Variants in PMEL observed in about 807,000 individuals in gnomAD.
The protein encoded by PMEL is premelanosome protein, also known as melanocyte protein PMEL.
PMEL carries 53 observed loss-of-function variants against 64.9 expected under a neutral mutation model. The observed-to-expected ratio is 0.82, with a 90% CI of 0.66 to 1.03. PMEL has a LOEUF of 1.03. PMEL is among the 50% of genes least tolerant of loss of function. PMEL has a pLI of 0.00. For missense variants in PMEL, 716 were observed against 814.9 expected (o/e 0.88, Z 1.48); for synonymous variants, 299 against 316.2 (o/e 0.95, Z 0.58).
intron 3 of PMEL, chr12:55,961,055 A>G (rs1449632370): frequency 2.8e-6 from 1 of 351,702 alleles, no homozygotes; most frequent in Non-Finnish European, 5.4e-6. Flanking sequence ...TACAAAAAAA[A>G]TTAGCCGGTC....
intron 3 of PMEL, 22 bp downstream of exon 3, chr12:55,961,295 C>G: frequency 6.2e-7 from 1 of 1,612,146 alleles, no homozygotes. Flanking sequence ...GGAATAAGGA[C>G]CTAGAATAGA....
chr12:55,957,185 C>A lies in PMEL; in HGVS notation c.1118G>T (p.Gly373Val). The A allele has an allele frequency of 6.2e-7, 1 of 1,614,246 alleles. No homozygotes were observed. Among genetic ancestry groups the A allele is most frequent in the South Asian group, 1.1e-5 (1 of 91,086 alleles). ...PVQMPTAEST[G>V]MTPEKVPVSE... Reference sequence around the variant, plus strand: ...AACTGGCACCTTCTCAGGTGTCATACCTGTGCTCTCTGCAGTTGGCATCTG... The same window carrying A: ...AACTGGCACCTTCTCAGGTGTCATAACTGTGCTCTCTGCAGTTGGCATCTG... The change falls in exon 6 of 11, where the codon GGT becomes GTT. Residue 373 changes from glycine to valine, a missense_variant. By Grantham distance (109) the Gly-to-Val change is moderately radical. Transcript: ENST00000548747.
intron 3 of PMEL, among the ~76,000 whole-genome samples, chr12:55,958,907 G>C (rs185977602): frequency 2.2e-4 from 33 of 151,836 alleles, no homozygotes; most frequent in African/African-American, 7.3e-4. Flanking sequence ...TCAGCCTCCC[G>C]AGTAGCTGGG....
chr12:55,954,688 G>A (rs946660554), intron 10 of PMEL, among the ~76,000 whole-genome samples: 7 of 152,136 alleles, frequency 4.6e-5, no homozygotes, highest in African/African-American at 1.7e-4. Flanking sequence ...GGCAGATCAC[G>A]AGGTCAGGAG....
In PMEL at chr12:55,955,779, C is replaced by T. The variant is rs1158324113; in HGVS notation, c.1556G>A (p.Gly519Glu). 1 of 1,613,296 alleles carries T rather than the reference C, an allele frequency of 6.2e-7. No homozygotes were observed. The highest frequency in any genetic ancestry group is 2.2e-5 in the East Asian group (1 of 44,890). The change falls in exon 8 of 11, where the codon GGG (glycine) becomes GAG (glutamate). Residue 519 changes from glycine to glutamate, a missense_variant and splice_region_variant. Coordinates refer to ENST00000548747, the MANE Select transcript of PMEL (RefSeq NM_001384361.1). ...AFELTVSCQG[G>E]LPKEACMEIS... Reference sequence around the variant, plus strand: ...ACCAGCACACTAGTGAGACACTCACCCGCCTTGGCAGGACACAGTCAGCTC... The same window carrying T: ...ACCAGCACACTAGTGAGACACTCACTCGCCTTGGCAGGACACAGTCAGCTC...
Position 55,955,549 on chromosome 12 carries a change from C to T in PMEL, c.1677G>A (p.Lys559=). The change falls in exon 9 of 11, where the codon AAG becomes AAA. Residue 559 remains lysine (K), a synonymous_variant. Transcript: ENST00000548747. The part of the protein sequence containing the change: ...ACQLVLHQIL[K]GGSGTYCLNV... ...TGAGGCAGTATGTCCCCGAGCCACC[C>T]TTCAGTATCTGGTGCAGAACCAGCT... is the stretch of plus-strand genomic sequence containing the variant. 1.9e-6 allele frequency: 3 copies of T among 1,614,156 alleles called. No individual in the cohort carries two copies. Among genetic ancestry groups the T allele is most frequent in the Non-Finnish European group, 2.5e-6 (3 of 1,180,032 alleles).
intron 7 of PMEL, 56 bp downstream of exon 7, chr12:55,956,047 C>T: frequency 7.8e-7 from 1 of 1,282,918 alleles, no homozygotes; most frequent in East Asian, 2.3e-5. Flanking sequence ...TTCCACTGAC[C>T]AGCCCTAGGT....
chr12:55,965,887 A>G (rs1238653051), intron 1 of PMEL, 49 bp downstream of exon 1: 1 of 1,608,674 alleles, frequency 6.2e-7, no homozygotes, highest in Non-Finnish European at 8.5e-7. Context: ...GAGCAGGGGG[A>G]ATTCATCCCC....
chr12:55,960,221 A>AG (rs1322450108), intron 3 of PMEL, among the ~76,000 whole-genome samples: 1 of 149,262 alleles, frequency 6.7e-6, no homozygotes, highest in African/African-American at 2.5e-5. Context: ...AAAAAAAAAA[A>AG]AAAAGAAAAG....
intron 1 of PMEL, among the ~76,000 whole-genome samples, chr12:55,964,056 TCA>T (rs1235164519): frequency 2.6e-5 from 4 of 152,020 alleles, no homozygotes; most frequent in Non-Finnish European, 5.9e-5. Context: ...CGTTCATCAC[TCA>T]CTGCAGCCTC....
chr12:55,958,134 G>A (rs1483407632), intron 4 of PMEL, 50 bp from the exon 5 acceptor site: 2 of 1,587,086 alleles, frequency 1.3e-6, no homozygotes, highest in Admixed American at 3.4e-5. Context: ...CTGGTCAAAG[G>A]GGACTGAGGG....
At chr12:55,956,882 G>A (rs1405454806) in intron 6 of PMEL, 67 bp downstream of exon 6, 78 of 1,531,670 alleles carry the variant, frequency 5.1e-5, no homozygotes, top group Non-Finnish European at 6.8e-5. Context: ...CTGAGTCCTG[G>A]GTAAGACTTA....
chr12:55,960,535 C>CTTTTT (rs1889060584), intron 3 of PMEL, among the ~76,000 whole-genome samples: 1 of 122,944 alleles, frequency 8.1e-6, no homozygotes, highest in Admixed American at 7.9e-5. Context: ...TTTTTGCTTT[C>CTTTTT]TGTTTTTTTT....
chr12:55,958,644 C>T (rs1426660240), intron 3 of PMEL, 37 bp from the exon 4 acceptor site: 2 of 1,597,754 alleles, frequency 1.3e-6, no homozygotes, highest in Non-Finnish European at 1.7e-6. Context: ...CAAACCCTGG[C>T]ATTCTTTTTT....
chr12:55,955,977 G>GCCAGAGTCCTCATTTGAA, intron 7 of PMEL, 114 bp from the exon 8 acceptor site: 1 of 1,132,474 alleles, frequency 8.8e-7, no homozygotes, highest in Non-Finnish European at 1.3e-6. Context: ...GCTTTCAAAT[G>GCCAGAGTCCTCATTTGAA]AGGACTCTGG....
chr12:55,956,811 A>ATT (rs1888900484), intron 6 of PMEL, 138 bp downstream of exon 6: 1 of 882,388 alleles, frequency 1.1e-6, no homozygotes, highest in East Asian at 2.5e-5. Flanking sequence ...GGAGGGCTTT[A>ATT]TAGCCAGGCC....
chr12:55,958,135 G>A (rs1163467447), intron 4 of PMEL, 51 bp from the exon 5 acceptor site: 9 of 1,585,706 alleles, frequency 5.7e-6, no homozygotes, highest in African/African-American at 1.3e-5. Context: ...TGGTCAAAGG[G>A]GACTGAGGGA....
chr12:55,958,658 T>C, intron 3 of PMEL, 51 bp from the exon 4 acceptor site: 2 of 1,583,652 alleles, frequency 1.3e-6, no homozygotes, highest in Non-Finnish European at 1.7e-6. Context: ...CTTTTTTGTA[T>C]ATCAAAACCC....
intron 7 of PMEL, 39 bp from the exon 8 acceptor site, chr12:55,955,902 C>T: frequency 1.9e-6 from 3 of 1,552,664 alleles, no homozygotes; most frequent in South Asian, 1.1e-5. Flanking sequence ...GATTCCTCTA[C>T]CTGGCCTCCC....
Sources: gnomAD v4.1 joint callset for allele counts (sites outside exome capture counted in the v4.1 genomes callset) on GRCh38, gnomAD v4.1.1 for gene constraint, MANE v1.5 for transcripts, NCBI Gene and HGNC (gene_info 2026-07-23, HGNC 2026-07-21) for gene names.